The following CNTN5 variants were observed in gnomAD, a reference collection of about 807,000 sequenced individuals.
CNTN5 encodes the protein contactin 5, also known as contactin-5.
In CNTN5, 77 loss-of-function variants were observed where a neutral mutation model predicts 129.1. The ratio of observed to expected loss-of-function variants is 0.60; its 90% confidence interval spans 0.50 to 0.72. The LOEUF is 0.72. Ranked by LOEUF, CNTN5 falls within the 30% of genes least tolerant of loss-of-function variation. The probability of loss-of-function intolerance (pLI) is 0.00; values close to 1 mark genes in which losing one functional copy is unlikely to be tolerated. For missense variants in CNTN5, 1,478 were observed against 1,328.8 expected, an observed-to-expected ratio of 1.11 and a Z score of -1.75; for synonymous variants, 509 against 465.6, an observed-to-expected ratio of 1.09 and a Z score of -1.20.
At chr11:100,121,424 T>C (rs1946018318) in intron 13 of CNTN5, among the ~76,000 whole-genome samples, 1 of 151,794 alleles carries the variant, frequency 6.6e-6, no homozygotes, top group South Asian at 2.1e-4. Context: ...TTTTCTTCTT[T>C]GGTGTGACCA....
chr11:100,255,622 G>A (rs993987754), intron 16 of CNTN5, 138 bp from the exon 17 acceptor site: 1 of 703,164 alleles, frequency 1.4e-6, no homozygotes. Flanking sequence ...ATGACTTTTT[G>A]TTGTCAATTT....
intron 8 of CNTN5, among the ~76,000 whole-genome samples, chr11:99,963,738 T>C (rs1414984079): frequency 6.6e-6 from 1 of 152,192 alleles, no homozygotes; most frequent in African/African-American, 2.4e-5. Flanking sequence ...AATCTATAAA[T>C]TACCTTGGGC....
At chr11:99,524,525 T>G (rs1947411572) in intron 2 of CNTN5, among the ~76,000 whole-genome samples, 1 of 152,122 alleles carries the variant, frequency 6.6e-6, no homozygotes, top group African/African-American at 2.4e-5. Flanking sequence ...ATATTTATAC[T>G]TATAGGCCGA....
At chr11:100,004,488 C>A (rs1292363237) in intron 9 of CNTN5, among the ~76,000 whole-genome samples, 2 of 152,116 alleles carry the variant, frequency 1.3e-5, no homozygotes, top group East Asian at 1.9e-4. Context: ...ACTTTTTAAT[C>A]CCTTTTTTAC....
chr11:99,295,934 C>T (rs900044186), intron 1 of CNTN5, among the ~76,000 whole-genome samples: 22 of 149,014 alleles, frequency 1.5e-4, no homozygotes, highest in African/African-American at 4.7e-4. Context: ...AGGCAACGTA[C>T]GTACTACTAA....
chr11:99,952,813 G>T (rs1176506630), intron 7 of CNTN5, among the ~76,000 whole-genome samples: 1 of 152,204 alleles, frequency 6.6e-6, no homozygotes, highest in African/African-American at 2.4e-5. Flanking sequence ...AATAAGGCCT[G>T]TTAACTGAGA....
intron 3 of CNTN5, among the ~76,000 whole-genome samples, chr11:99,781,885 A>C (rs963133217): frequency 2.0e-5 from 3 of 152,126 alleles, no homozygotes; most frequent in African/African-American, 7.2e-5. Context: ...GAATGGGCAA[A>C]AACTGGAAGC....
intron 3 of CNTN5, among the ~76,000 whole-genome samples, chr11:99,819,303 C>CT (rs1946697176): frequency 2.3e-4 from 4 of 17,542 alleles, no homozygotes; most frequent in Non-Finnish European, 2.4e-4. Context: ...TCCTCCCCTT[C>CT]CCTCCCCTCT....
chr11:99,827,240 A>G (rs1461668260), intron 4 of CNTN5, among the ~76,000 whole-genome samples: 2 of 151,974 alleles, frequency 1.3e-5, no homozygotes, highest in African/African-American at 2.4e-5. Context: ...GGCACACACT[A>G]CCACACTCAG....
chr11:99,630,955 G>A (rs1443885304), intron 3 of CNTN5, among the ~76,000 whole-genome samples: 1 of 152,108 alleles, frequency 6.6e-6, no homozygotes, highest in African/African-American at 2.4e-5. Flanking sequence ...CAGCATCAAT[G>A]CATCTATTAA....
chr11:100,071,621 T>C, intron 11 of CNTN5, 84 bp from the exon 12 acceptor site: 1 of 1,059,168 alleles, frequency 9.4e-7, no homozygotes, highest in Non-Finnish European at 1.3e-6. Flanking sequence ...GCAAACTTGT[T>C]TTTTCTTAGT....
chr11:99,176,738 C>A (rs546902553), intron 1 of CNTN5, among the ~76,000 whole-genome samples: 5 of 152,180 alleles, frequency 3.3e-5, no homozygotes, highest in Admixed American at 3.3e-4. Flanking sequence ...GATGCCATCA[C>A]TTCTCTGTAT....
rs111560985 is a variant in CNTN5 at position 99,354,231 on chromosome 11, C to T, written c.-71+28747C>T. ...TGCTACATTATGCTACATGAACCCACATAAGCATGACCAGATAAATCACAT... is the reference window on the plus strand; with the variant it reads ...TGCTACATTATGCTACATGAACCCATATAAGCATGACCAGATAAATCACAT... On this transcript the variant is annotated intron_variant, in intron 2 of 24. Transcript: ENST00000524871. Among the ~76,000 whole-genome samples, 1,156 of 152,264 alleles carry T rather than the reference C, an allele frequency of 7.6e-3. 16 individuals carry two copies. The highest frequency in any genetic ancestry group is 0.025 in the African/African-American group (1,053 of 41,526).
chr11:99,553,798 A>G (rs1256387582), intron 2 of CNTN5, among the ~76,000 whole-genome samples: 1 of 152,016 alleles, frequency 6.6e-6, no homozygotes, highest in Non-Finnish European at 1.5e-5. Context: ...AAAGAGACAG[A>G]AAGGGAGAAA....
chr11:100,285,428 A>G (rs1950757462), intron 18 of CNTN5, among the ~76,000 whole-genome samples: 2 of 152,028 alleles, frequency 1.3e-5, no homozygotes, highest in South Asian at 4.1e-4. Context: ...CACATGGCAC[A>G]CTCCACAGAG....
chr11:99,148,966 A>G (rs902804746), intron 1 of CNTN5, among the ~76,000 whole-genome samples: 5 of 151,206 alleles, frequency 3.3e-5, no homozygotes, highest in African/African-American at 9.7e-5. Flanking sequence ...CATTTGTATG[A>G]GAGAGTTTTA....
intron 1 of CNTN5, among the ~76,000 whole-genome samples, chr11:99,059,544 A>G (rs1864787077): frequency 6.6e-6 from 1 of 152,112 alleles, no homozygotes; most frequent in South Asian, 2.1e-4. Flanking sequence ...CTCTGAAAAC[A>G]TTTGTAGAGC....
At chr11:99,905,990 T>C (rs1949493631) in intron 6 of CNTN5, among the ~76,000 whole-genome samples, 1 of 152,210 alleles carries the variant, frequency 6.6e-6, no homozygotes, top group Non-Finnish European at 1.5e-5. Flanking sequence ...ACATTGATTT[T>C]GTATCCTGAG....
At chr11:99,975,590 A>C (rs1169454049) in intron 8 of CNTN5, among the ~76,000 whole-genome samples, 1 of 152,154 alleles carries the variant, frequency 6.6e-6, no homozygotes, top group Admixed American at 6.5e-5. Flanking sequence ...ACTTACAGTT[A>C]TGGCAGAAGG....
Sources: allele counts gnomAD v4.1 joint callset (sites outside exome capture counted in the v4.1 genomes callset), GRCh38; gene constraint gnomAD v4.1.1; transcripts MANE v1.5; gene names NCBI Gene and HGNC (gene_info 2026-07-23, HGNC 2026-07-21).